Variants in SEC63 observed in about 807,000 individuals in gnomAD.
SEC63 encodes the protein SEC63 protein translocation regulator, also known as translocation protein SEC63 homolog.
In SEC63, 56 loss-of-function variants were observed where a neutral mutation model predicts 116.2. The ratio of observed to expected loss-of-function variants is 0.48; its 90% CI spans 0.39 to 0.60. The LOEUF (loss-of-function observed/expected upper bound fraction) is 0.60, where lower values mean the gene tolerates loss of function less well. Among genes scored for constraint, SEC63 ranks in the 20% least tolerant of loss-of-function variants. The pLI is 0.00. For missense variants in SEC63, 668 were observed against 900.0 expected, an observed-to-expected ratio of 0.74 and a Z score of 3.30; for synonymous variants, 273 against 294.6, an observed-to-expected ratio of 0.93 and a Z score of 0.75.
At chr6:107,873,809 C>A (rs976505387) in intron 19 of SEC63, among the ~76,000 whole-genome samples, 1 of 151,824 alleles carries the variant, frequency 6.6e-6, no homozygotes, top group Non-Finnish European at 1.5e-5. Flanking sequence ...GATCCCAAAA[C>A]AACTTTTTAA....
intron 14 of SEC63, among the ~76,000 whole-genome samples, chr6:107,896,383 T>C (rs1786819054): frequency 6.6e-6 from 1 of 151,940 alleles, no homozygotes; most frequent in Non-Finnish European, 1.5e-5. Flanking sequence ...GAAGAATCAC[T>C]TGAACCTGGG....
intron 1 of SEC63, among the ~76,000 whole-genome samples, chr6:107,931,419 C>T (rs1787803382): frequency 6.6e-6 from 1 of 150,954 alleles, no homozygotes; most frequent in African/African-American, 2.4e-5. Flanking sequence ...TAAGCCCAAG[C>T]AAAAATAGTA....
chr6:107,920,724 T>C (rs1787536337), intron 4 of SEC63, among the ~76,000 whole-genome samples: 2 of 152,194 alleles, frequency 1.3e-5, no homozygotes, highest in South Asian at 4.1e-4. Context: ...GGGATGTACT[T>C]ATGAAGAGTC....
At chr6:107,950,780 AAAGT>A (rs1353419234) in intron 1 of SEC63, among the ~76,000 whole-genome samples, 1 of 152,238 alleles carries the variant, frequency 6.6e-6, no homozygotes, top group Admixed American at 6.5e-5. Context: ...TCAAGCCCCA[AAAGT>A]AAGATCAAGG....
intron 1 of SEC63, among the ~76,000 whole-genome samples, chr6:107,940,314 T>C (rs763877149): frequency 1.4e-4 from 21 of 152,230 alleles, no homozygotes; most frequent in Non-Finnish European, 1.5e-5. Flanking sequence ...AAGAGCTTTG[T>C]CTTCCTTAAG....
rs1308868694 is a variant in SEC63 at position 107,931,483 on chromosome 6, GT to G, written c.125-1970del. On this transcript the variant is annotated intron_variant, in intron 1 of 20. Coordinates refer to ENST00000369002, the MANE Select transcript of SEC63 (RefSeq NM_007214.5). The stretch of plus-strand genomic sequence containing the variant: ...CACTTGGACTGAAAGACTCTCCCAA[GT>G]TTAAAAAAAAAAAAAAATGTATTGG... 8.0e-5 allele frequency among the ~76,000 whole-genome samples: 4 copies of G among 49,922 alleles called. No individual in the cohort carries two copies. The Admixed American group carries it at 9.0e-4, about 11-fold the overall frequency. 32.8% of individuals were successfully genotyped at this position (49,922 alleles called of 152,430 possible).
At chr6:107,948,442 C>T (rs1358599338) in intron 1 of SEC63, among the ~76,000 whole-genome samples, 2 of 152,132 alleles carry the variant, frequency 1.3e-5, no homozygotes, top group Non-Finnish European at 2.9e-5. Flanking sequence ...GAGTGCATTC[C>T]GCACTACCCA....
intron 16 of SEC63, among the ~76,000 whole-genome samples, chr6:107,889,612 C>T (rs573528964): frequency 5.9e-5 from 9 of 151,788 alleles, no homozygotes; most frequent in African/African-American, 2.2e-4. Flanking sequence ...TTAGTTATTT[C>T]TTGTCTTCTG....
intron 2 of SEC63, among the ~76,000 whole-genome samples, chr6:107,925,942 T>C (rs893672572): frequency 1.3e-5 from 2 of 152,206 alleles, no homozygotes; most frequent in Non-Finnish European, 2.9e-5. Flanking sequence ...TTCAGCCTCC[T>C]GAGTAGCTGA....
At position 107,925,357 on chromosome 6, in the gene SEC63, T is replaced by C. The variant is rs183736197; in HGVS notation, c.225-425A>G. Among the ~76,000 whole-genome samples the C allele has an allele frequency of 2.1e-4, 32 of 152,308 alleles. No individual in the cohort carries two copies. The East Asian group carries it at 5.2e-3, about 25-fold the overall frequency. On this transcript the variant is annotated intron_variant, in intron 2 of 20. Transcript: ENST00000369002. ...GGTCAATTGTGCAAAAATAAATACA[T>C]AGCCTTGTTTATAGTAGTAAAACTT...
At chr6:107,942,190 C>T (rs969194840) in intron 1 of SEC63, among the ~76,000 whole-genome samples, 2 of 152,122 alleles carry the variant, frequency 1.3e-5, no homozygotes, top group African/African-American at 2.4e-5. Context: ...ATCCTTAGAA[C>T]ACAGCCCCAG....
chr6:107,882,061 C>A (rs1476540032), intron 17 of SEC63, among the ~76,000 whole-genome samples: 1 of 152,166 alleles, frequency 6.6e-6, no homozygotes, highest in Non-Finnish European at 1.5e-5. Flanking sequence ...AGTTTCCTGG[C>A]AATCAATTTA....
At chr6:107,896,582 G>T (rs986002811) in intron 14 of SEC63, among the ~76,000 whole-genome samples, 1 of 152,198 alleles carries the variant, frequency 6.6e-6, no homozygotes, top group African/African-American at 2.4e-5. Flanking sequence ...GCACTATAAA[G>T]ATCCAGATGG....
At chr6:107,941,489 T>A (rs1770373832) in intron 1 of SEC63, among the ~76,000 whole-genome samples, 1 of 146,632 alleles carries the variant, frequency 6.8e-6, no homozygotes. Context: ...GGAAACAGAG[T>A]GAGACCGTGT....
At chr6:107,910,245 C>T (rs1007545551) in intron 7 of SEC63, among the ~76,000 whole-genome samples, 14 of 152,038 alleles carry the variant, frequency 9.2e-5, no homozygotes, top group Non-Finnish European at 1.9e-4. Context: ...GCAGGATAAT[C>T]GTTTGAGCCC....
chr6:107,876,770 C>A (rs1179690928), intron 18 of SEC63, 108 bp from the exon 19 acceptor site: 4 of 707,922 alleles, frequency 5.7e-6, no homozygotes, highest in African/African-American at 5.4e-5. Context: ...TCTGCACTGA[C>A]AAACTGCTTG....
intron 4 of SEC63, among the ~76,000 whole-genome samples, chr6:107,915,107 T>C (rs1787368803): frequency 6.6e-6 from 1 of 152,198 alleles, no homozygotes; most frequent in Admixed American, 6.5e-5. Context: ...GTTAAAGTAC[T>C]TAAAAGCTGC....
At chr6:107,880,561 T>C (rs1240580371) in intron 18 of SEC63, among the ~76,000 whole-genome samples, 1 of 152,198 alleles carries the variant, frequency 6.6e-6, no homozygotes, top group Non-Finnish European at 1.5e-5. Context: ...AATAGCACTA[T>C]AATGACCTGT....
At chr6:107,912,845 T>A in intron 5 of SEC63, 71 bp from the exon 6 acceptor site, 2 of 1,136,184 alleles carry the variant, frequency 1.8e-6, no homozygotes, top group Non-Finnish European at 2.6e-6. Flanking sequence ...TAAATATATT[T>A]GGGATCTATA....
Sources: gnomAD v4.1 joint callset for allele counts (sites outside exome capture counted in the v4.1 genomes callset) on GRCh38, gnomAD v4.1.1 for gene constraint, MANE v1.5 for transcripts, NCBI Gene and HGNC (gene_info 2026-07-23, HGNC 2026-07-21) for gene names.